MRPL48: variants seen among roughly 807,000 people sequenced by gnomAD.
The protein encoded by MRPL48 is mitochondrial ribosomal protein L48, also known as large ribosomal subunit protein mL48.
A neutral mutation model predicts 32.9 loss-of-function variants in MRPL48; 16 were observed. That is an observed-to-expected ratio of 0.49 (90% CI 0.33 to 0.74). The LOEUF is 0.74. Ranked by LOEUF, MRPL48 falls within the 30% of genes least tolerant of loss-of-function variation. The pLI is 0.02. For missense variants in MRPL48, 206 were observed against 245.3 expected, an observed-to-expected ratio of 0.84 and a Z score of 1.07; for synonymous variants, 94 against 89.2, an observed-to-expected ratio of 1.05 and a Z score of -0.31.
intron 1 of MRPL48, among the ~76,000 whole-genome samples, chr11:73,794,779 C>T (rs550889909): frequency 6.8e-6 from 1 of 146,370 alleles, no homozygotes; most frequent in Non-Finnish European, 1.5e-5. Context: ...GAGTCTTGCT[C>T]TGTTGCCCAG....
rs1366586138 is a variant in MRPL48 at position 73,838,841 on chromosome 11, G to T, written c.202-5966G>T. ...CAGGAGGTCTGGATTTTAGTTCCTG[G>T]GGTCTGTCTTGTCTGGCTTCGTGAT... On this transcript the variant is annotated intron_variant, in intron 4 of 7. Coordinates refer to ENST00000310614, the MANE Select transcript of MRPL48 (RefSeq NM_016055.6). 2.0e-5 allele frequency among the ~76,000 whole-genome samples: 3 copies of T among 152,232 alleles called. No homozygotes were observed. The East Asian group carries it at 5.8e-4, about 29-fold the overall frequency.
intron 5 of MRPL48, among the ~76,000 whole-genome samples, chr11:73,845,411 T>C (rs1948270725): frequency 6.6e-6 from 1 of 152,212 alleles, no homozygotes; most frequent in Admixed American, 6.5e-5. Flanking sequence ...TTTAGTGATA[T>C]CAAATGCATT....
intron 1 of MRPL48, 122 bp from the exon 2 acceptor site, chr11:73,804,905 T>C: frequency 1.3e-6 from 1 of 778,076 alleles, no homozygotes; most frequent in Non-Finnish European, 2.0e-6. Context: ...GCTTCTTTGT[T>C]AGATAAGAGC....
chr11:73,828,073 G>A (rs1947930182), intron 4 of MRPL48, among the ~76,000 whole-genome samples: 1 of 152,086 alleles, frequency 6.6e-6, no homozygotes, highest in Admixed American at 6.6e-5. Context: ...TTTTCACAAA[G>A]GTAGAGAAAT....
At chr11:73,805,680 G>A (rs1947437746) in intron 2 of MRPL48, among the ~76,000 whole-genome samples, 2 of 135,748 alleles carry the variant, frequency 1.5e-5, no homozygotes, top group Non-Finnish European at 1.6e-5. Flanking sequence ...TTTAATTGAG[G>A]CAGAGTCTAC....
At chr11:73,796,789 G>A (rs7111424) in intron 1 of MRPL48, among the ~76,000 whole-genome samples, 12,633 of 152,254 alleles carry the variant, frequency 0.083, 650 homozygotes, top group East Asian at 0.18. Flanking sequence ...TTGGGTCTGG[G>A]TGTAGTGGCT....
At position 73,863,276 on chromosome 11, in the gene MRPL48, G is replaced by C. The variant is rs1439920525; in HGVS notation, c.564+15G>C. 6.4e-7 allele frequency: 1 copy of C among 1,550,732 alleles called. No homozygotes were observed. The highest frequency in any genetic ancestry group is 8.7e-7 in the Non-Finnish European group (1 of 1,144,670). ...CAGTGAAGGAGGTAGGTGCTGGTTT[G>C]AGAAGAGGCCCCTGCTGGCCTGCAT... On this transcript the variant is annotated intron_variant, in intron 7 of 7. Transcript: ENST00000310614.
In MRPL48 at chr11:73,797,513, A is replaced by C. The variant is rs544209746; in HGVS notation, c.22-7514A>C. Reference sequence around the variant, plus strand: ...GAGCCCTGTGGTTGCTGGCATCTCCAAGCTTCTGAGCGCCACGTGTTCCCC... The same window carrying C: ...GAGCCCTGTGGTTGCTGGCATCTCCCAGCTTCTGAGCGCCACGTGTTCCCC... On this transcript the variant is annotated intron_variant, in intron 1 of 7. Coordinates refer to ENST00000310614, the MANE Select transcript of MRPL48 (RefSeq NM_016055.6). 2.8e-4 allele frequency among the ~76,000 whole-genome samples: 42 copies of C among 152,266 alleles called. 1 individual carries two copies. The highest frequency in any genetic ancestry group is 1.0e-3 in the African/African-American group (42 of 41,558).
Position 73,864,443 on chromosome 11 carries a change from G to A in MRPL48, c.*73G>A, listed in dbSNP as rs1948634396. On this transcript the variant is annotated 3_prime_UTR_variant, in exon 8 of 8. Transcript: ENST00000310614. The stretch of plus-strand genomic sequence containing the variant: ...GAGAAGAGCTTACTGGGTAGTTAGA[G>A]TTCATCAGGAGACCCAACCCTTAGA... 1 of 1,472,222 alleles carries A rather than the reference G, an allele frequency of 6.8e-7. No individual in the cohort carries two copies. Among genetic ancestry groups the A allele is most frequent in the Non-Finnish European group, 9.4e-7 (1 of 1,062,792 alleles). The allele number at this position is 1,472,222 out of a possible 1,614,324, so 91.2% of individuals were successfully genotyped here.
intron 4 of MRPL48, among the ~76,000 whole-genome samples, chr11:73,827,760 T>C (rs1947925011): frequency 6.6e-6 from 1 of 152,204 alleles, no homozygotes; most frequent in South Asian, 2.1e-4. Flanking sequence ...TGCCGTGTTC[T>C]TCTGAGCTCA....
intron 3 of MRPL48, among the ~76,000 whole-genome samples, chr11:73,816,154 C>T (rs1351624287): frequency 6.6e-6 from 1 of 151,734 alleles, no homozygotes; most frequent in Non-Finnish European, 1.5e-5. Flanking sequence ...CTCCACCTCC[C>T]GGGTTCATGC....
chr11:73,794,688 C>G (rs1947218574), intron 1 of MRPL48, among the ~76,000 whole-genome samples: 1 of 151,836 alleles, frequency 6.6e-6, no homozygotes. Context: ...TGGAGCTCAG[C>G]TCTGGCTTAG....
chr11:73,802,145 C>T (rs141299498), intron 1 of MRPL48: 1 of 152,202 alleles, frequency 6.6e-6, no homozygotes, highest in Non-Finnish European at 1.5e-5. Context: ...CTAAGGATTT[C>T]TCTTAGCCAT....
At position 73,859,991 on chromosome 11, in the gene MRPL48, C is replaced by T. The variant is rs1169975569; in HGVS notation, c.456C>T (p.Thr152=). ...SKMLLDSVLT[T]HERVVQISGL... ...TGCTCCTGGACTCAGTGCTTACCAC[C>T]CATGAGCGAGTGGTTCAGGTAGGCA... Residue 152 remains threonine, a synonymous_variant, in exon 6 of 8, where the codon ACC becomes ACT. Transcript: ENST00000310614. The T allele has an allele frequency of 6.2e-7, 1 of 1,613,530 alleles. No homozygotes were observed. The highest frequency in any genetic ancestry group is 8.5e-7 in the Non-Finnish European group (1 of 1,179,698).
chr11:73,826,422 A>G (rs967224925), intron 4 of MRPL48, among the ~76,000 whole-genome samples: 1 of 152,184 alleles, frequency 6.6e-6, no homozygotes. Flanking sequence ...AGTTGAGTGA[A>G]TGAGTTGTGG....
rs569464993 is a variant in MRPL48, at chr11:73,864,376, G to A, written c.*6G>A. On this transcript the variant is annotated 3_prime_UTR_variant, in exon 8 of 8. Transcript: ENST00000310614. ...TGTTGGCCAAGTTGAAGTAGCTACT[G>A]TAGACCCTTTCATGCCAGCAGTGGT... 6 of 1,613,630 alleles carry A rather than the reference G, an allele frequency of 3.7e-6. No individual in the cohort carries two copies. The South Asian group carries it at 6.6e-5, about 18-fold the overall frequency.
intron 4 of MRPL48, among the ~76,000 whole-genome samples, chr11:73,831,808 C>T (rs7110967): frequency 0.055 from 8,352 of 151,694 alleles, 255 homozygotes; most frequent in Middle Eastern, 0.11. Context: ...GGCATGGTGG[C>T]GCATGCCTGT....
chr11:73,860,210 A>T (rs1948561931), intron 6 of MRPL48: 1 of 493,112 alleles, frequency 2.0e-6, no homozygotes, highest in East Asian at 3.5e-5. Flanking sequence ...CTCAGTGATC[A>T]TCATTTAATA....
At chr11:73,858,532 C>T (rs1311572982) in intron 5 of MRPL48, among the ~76,000 whole-genome samples, 2 of 152,224 alleles carry the variant, frequency 1.3e-5, no homozygotes, top group Non-Finnish European at 2.9e-5. Context: ...GCATCGGCCT[C>T]CCAAAGTGCT....
Sources: gnomAD v4.1 joint callset for allele counts (sites outside exome capture counted in the v4.1 genomes callset) on GRCh38, gnomAD v4.1.1 for gene constraint, MANE v1.5 for transcripts, NCBI Gene and HGNC (gene_info 2026-07-23, HGNC 2026-07-21) for gene names.